Variants in NRG3 observed in about 807,000 individuals in gnomAD.
The protein encoded by NRG3 is neuregulin 3.
A neutral mutation model predicts 66.9 loss-of-function variants in NRG3; 31 were observed. The ratio of observed to expected loss-of-function variants is 0.46; its 90% CI spans 0.35 to 0.63. NRG3 has a LOEUF of 0.63. Among genes scored for constraint, NRG3 ranks in the 20% least tolerant of loss-of-function variants. The probability of loss-of-function intolerance (pLI) is 0.00; values close to 1 mark genes in which losing one functional copy is unlikely to be tolerated. For synonymous variants in NRG3, 393 were observed against 359.4 expected, an observed-to-expected ratio of 1.09 and a Z score of -1.06; for missense variants, 910 against 878.9, an observed-to-expected ratio of 1.04 and a Z score of -0.45.
At chr10:82,190,351 CAAAT>C (rs1190023809) in intron 1 of NRG3, among the ~76,000 whole-genome samples, 1 of 151,914 alleles carries the variant, frequency 6.6e-6, no homozygotes, top group Non-Finnish European at 1.5e-5. Flanking sequence ...TTTATTTTAA[CAAAT>C]AAAGTTATGG....
At chr10:82,164,071 C>T (rs1248899889) in intron 1 of NRG3, among the ~76,000 whole-genome samples, 1 of 151,908 alleles carries the variant, frequency 6.6e-6, no homozygotes, top group African/African-American at 2.4e-5. Flanking sequence ...CAGGCATGCA[C>T]CACCATGTCT....
chr10:82,391,140 A>G (rs1022233690), intron 2 of NRG3, among the ~76,000 whole-genome samples: 2 of 152,212 alleles, frequency 1.3e-5, no homozygotes, highest in African/African-American at 4.8e-5. Flanking sequence ...ACGTATGACA[A>G]CATTGCTACC....
intron 1 of NRG3, among the ~76,000 whole-genome samples, chr10:82,257,828 A>G (rs546721071): frequency 1.5e-4 from 23 of 152,312 alleles, no homozygotes; most frequent in African/African-American, 5.1e-4. Flanking sequence ...TAAAATCACC[A>G]TATTTTCTTG....
At chr10:82,276,849 A>G (rs747027796) in intron 1 of NRG3, among the ~76,000 whole-genome samples, 10 of 152,082 alleles carry the variant, frequency 6.6e-5, no homozygotes, top group Non-Finnish European at 1.3e-4. Flanking sequence ...GTGTGTGTAT[A>G]GCACAGAAAA....
chr10:81,924,150 G>A (rs898821513), intron 1 of NRG3, among the ~76,000 whole-genome samples: 2 of 152,178 alleles, frequency 1.3e-5, no homozygotes, highest in African/African-American at 4.8e-5. Flanking sequence ...ATGGGAGCAG[G>A]TAGGGCTGGT....
intron 1 of NRG3, among the ~76,000 whole-genome samples, chr10:82,097,791 T>C (rs2066450509): frequency 6.6e-6 from 1 of 152,008 alleles, no homozygotes; most frequent in Non-Finnish European, 1.5e-5. Context: ...TTTTTAAAAA[T>C]TGTAGCCATT....
intron 2 of NRG3, among the ~76,000 whole-genome samples, chr10:82,708,168 C>T (rs929521571): frequency 4.0e-5 from 6 of 151,774 alleles, no homozygotes; most frequent in Admixed American, 1.3e-4. Context: ...CTATTTTTTC[C>T]GTTTATTTTT....
At chr10:82,135,169 T>C (rs188605253) in intron 1 of NRG3, among the ~76,000 whole-genome samples, 167 of 152,202 alleles carry the variant, frequency 1.1e-3, no homozygotes, top group Non-Finnish European at 1.7e-3. Flanking sequence ...TTTAATATCT[T>C]TCCTGGATTA....
At chr10:82,926,872 TC>T (rs1847055525) in intron 4 of NRG3, among the ~76,000 whole-genome samples, 2 of 152,226 alleles carry the variant, frequency 1.3e-5, no homozygotes, top group African/African-American at 4.8e-5. Flanking sequence ...GGATTGGACA[TC>T]CATTGAACAT....
chr10:82,289,593 A>G (rs1188538697), intron 1 of NRG3, among the ~76,000 whole-genome samples: 1 of 152,158 alleles, frequency 6.6e-6, no homozygotes, highest in Non-Finnish European at 1.5e-5. Context: ...ATTTACTGAG[A>G]ATTTGTTATG....
intron 2 of NRG3, among the ~76,000 whole-genome samples, chr10:82,581,602 G>A (rs1224313230): frequency 6.6e-6 from 1 of 151,858 alleles, no homozygotes; most frequent in Non-Finnish European, 1.5e-5. Flanking sequence ...TGTTCTATGG[G>A]TATAGAGTTT....
intron 1 of NRG3, among the ~76,000 whole-genome samples, chr10:81,920,478 T>C (rs753050162): frequency 5.3e-5 from 8 of 152,090 alleles, no homozygotes; most frequent in Non-Finnish European, 8.8e-5. Context: ...TCAGGTTTAA[T>C]AAGCATGACT....
intron 1 of NRG3, among the ~76,000 whole-genome samples, chr10:82,245,914 A>G (rs532415923): frequency 8.0e-5 from 12 of 149,448 alleles, no homozygotes; most frequent in Admixed American, 2.0e-4. Context: ...CCTACTTTAC[A>G]CTTTGAAAAA....
chr10:81,938,029 T>C (rs570913001), intron 1 of NRG3, among the ~76,000 whole-genome samples: 2 of 152,262 alleles, frequency 1.3e-5, no homozygotes, highest in African/African-American at 4.8e-5. Context: ...CTTGACACTC[T>C]TGTTGAATAT....
At chr10:82,829,222 T>C (rs1237834112) in intron 3 of NRG3, among the ~76,000 whole-genome samples, 3 of 152,136 alleles carry the variant, frequency 2.0e-5, no homozygotes, top group Admixed American at 6.6e-5. Context: ...AAAGATCTGA[T>C]TGGAGCACAG....
At chr10:82,853,043 T>TC in intron 3 of NRG3, among the ~76,000 whole-genome samples, 1 of 152,182 alleles carries the variant, frequency 6.6e-6, no homozygotes, top group African/African-American at 2.4e-5. Context: ...GGTGTTAGAA[T>TC]AGGGTAAGGC....
chr10:81,921,917 G>C (rs1009795754), intron 1 of NRG3, among the ~76,000 whole-genome samples: 1 of 152,016 alleles, frequency 6.6e-6, no homozygotes, highest in African/African-American at 2.4e-5. Flanking sequence ...AGCAACATTT[G>C]TCTCTCTATT....
chr10:82,343,601 C>A (rs753218328), intron 1 of NRG3, among the ~76,000 whole-genome samples: 9 of 152,048 alleles, frequency 5.9e-5, no homozygotes, highest in Non-Finnish European at 1.2e-4. Flanking sequence ...CCTAAACAAC[C>A]AGAACAAAGC....
chr10:82,596,345 A>G (rs768609799), intron 2 of NRG3, among the ~76,000 whole-genome samples: 1 of 152,206 alleles, frequency 6.6e-6, no homozygotes, highest in Non-Finnish European at 1.5e-5. Flanking sequence ...GTGATTGGCA[A>G]TTCGTTGCAG....
Sources: allele counts gnomAD v4.1 joint callset (sites outside exome capture counted in the v4.1 genomes callset), GRCh38; gene constraint gnomAD v4.1.1; transcripts MANE v1.5; gene names NCBI Gene and HGNC (gene_info 2026-07-23, HGNC 2026-07-21).